Variants in JMJD1C observed in about 807,000 individuals in gnomAD.
The protein encoded by JMJD1C is jumonji domain containing 1C.
A neutral mutation model predicts 245.3 loss-of-function variants in JMJD1C; 31 were observed. That is an observed-to-expected ratio of 0.13 (90% CI 0.09 to 0.17). The LOEUF is 0.17. Ranked by LOEUF, JMJD1C falls within the 10% of genes least tolerant of loss-of-function variation. The pLI is 1.00. For synonymous variants in JMJD1C, 1,057 were observed against 1,017.4 expected (o/e 1.04, Z -0.74); for missense variants, 2,691 against 3,000.2 (o/e 0.90, Z 2.41).
intron 1 of JMJD1C, among the ~76,000 whole-genome samples, chr10:63,464,440 G>A (rs200553697): frequency 6.6e-6 from 1 of 151,804 alleles, no homozygotes; most frequent in Non-Finnish European, 1.5e-5. Context: ...CACACAAAGG[G>A]AAAAAAATTT....
chr10:63,403,052 C>A (rs1457660416), intron 1 of JMJD1C, among the ~76,000 whole-genome samples: 3 of 152,068 alleles, frequency 2.0e-5, no homozygotes, highest in African/African-American at 7.2e-5. Context: ...ATGTTTGAAA[C>A]CAAAAGAAAG....
In JMJD1C at chr10:63,295,959, A is replaced by ATGTGTGTG. The variant is rs370590868; in HGVS notation, c.334-31203_334-31196dup. Among the ~76,000 whole-genome samples, 310 of 89,818 alleles carry ATGTGTGTG rather than the reference A, an allele frequency of 3.5e-3. 4 individuals carry two copies. Among genetic ancestry groups the ATGTGTGTG allele is most frequent in the African/African-American group, 0.012 (281 of 22,754 alleles). 58.9% of individuals were successfully genotyped at this position (89,818 alleles called of 152,430 possible). A position where few individuals can be genotyped will look rare whatever the true frequency, so the allele number is the denominator to read the frequency against. On this transcript the variant is annotated intron_variant, in intron 2 of 25. Transcript: ENST00000399262. Reference sequence around the variant, plus strand: ...TATACATATATATATATACACGTATATGTGTGTGTGTGTGTGTGTGTGTGT... The same window carrying ATGTGTGTG: ...TATACATATATATATATACACGTATATGTGTGTGTGTGTGTGTGTGTGTGTGTGTGTGT...
At chr10:63,289,939 A>C (rs890499293) in intron 2 of JMJD1C, among the ~76,000 whole-genome samples, 1 of 152,080 alleles carries the variant, frequency 6.6e-6, no homozygotes, top group Admixed American at 6.6e-5. Context: ...ATAATAAAAG[A>C]GTATGAAAAT....
At position 63,429,395 on chromosome 10, in the gene JMJD1C, C is replaced by T. The variant is rs137937744; in HGVS notation, c.168+36100G>A. ...AAGATCTCATACTGGAACTTAAATA[C>T]TGCAGCAATATTAGGATGCACAATT... On this transcript the variant is annotated intron_variant, in intron 1 of 25. Transcript: ENST00000399262. 4.7e-3 allele frequency among the ~76,000 whole-genome samples: 720 copies of T among 152,238 alleles called. 3 individuals carry two copies. The highest frequency in any genetic ancestry group is 8.6e-3 in the Non-Finnish European group (588 of 68,026).
At chr10:63,337,653 T>A (rs1053210526) in intron 2 of JMJD1C, among the ~76,000 whole-genome samples, 1 of 139,594 alleles carries the variant, frequency 7.2e-6, no homozygotes. Context: ...TCCGCTATTG[T>A]TCCTCACAGT....
At chr10:63,362,029 T>C (rs1945402190) in intron 2 of JMJD1C, among the ~76,000 whole-genome samples, 1 of 151,732 alleles carries the variant, frequency 6.6e-6, no homozygotes, top group South Asian at 2.1e-4. Flanking sequence ...AGGTCAGGAG[T>C]TCCGAGACCA....
intron 1 of JMJD1C, among the ~76,000 whole-genome samples, chr10:63,456,157 C>T (rs1952398294): frequency 6.6e-6 from 1 of 152,010 alleles, no homozygotes; most frequent in Non-Finnish European, 1.5e-5. Context: ...TGGTTTCCCT[C>T]AAAATGATTC....
chr10:63,281,111 C>T (rs183846301), intron 2 of JMJD1C, among the ~76,000 whole-genome samples: 1,981 of 148,572 alleles, frequency 0.013, 29 homozygotes, highest in African/African-American at 0.034. Context: ...GGATTACAGG[C>T]GTGAGCCACC....
chr10:63,203,963 C>T (rs1846311039), intron 10 of JMJD1C: 1 of 983,190 alleles, frequency 1.0e-6, no homozygotes, highest in Non-Finnish European at 1.2e-6. Flanking sequence ...TTTAGAAGTT[C>T]CCTGACTTAT....
chr10:63,236,587 T>G (rs367969749), intron 3 of JMJD1C, among the ~76,000 whole-genome samples: 2 of 152,168 alleles, frequency 1.3e-5, no homozygotes, highest in South Asian at 4.1e-4. Flanking sequence ...TTACAGCATC[T>G]GCCAACCACA....
chr10:63,273,230 G>A (rs999655296), intron 2 of JMJD1C, among the ~76,000 whole-genome samples: 2 of 152,178 alleles, frequency 1.3e-5, no homozygotes, highest in African/African-American at 4.8e-5. Flanking sequence ...GTCTCACTCT[G>A]TTGTCCAGGC....
intron 1 of JMJD1C, among the ~76,000 whole-genome samples, chr10:63,513,848 G>C (rs1273983034): frequency 3.9e-5 from 6 of 152,182 alleles, no homozygotes; most frequent in Non-Finnish European, 7.3e-5. Context: ...GGGAGGTGGA[G>C]CGTGCAGTGA....
intron 1 of JMJD1C, among the ~76,000 whole-genome samples, chr10:63,429,045 A>G (rs1950600424): frequency 1.3e-5 from 2 of 152,224 alleles, no homozygotes; most frequent in East Asian, 1.9e-4. Flanking sequence ...CAATGGCACG[A>G]TCTCAGCTTA....
intron 1 of JMJD1C, among the ~76,000 whole-genome samples, chr10:63,403,252 A>G (rs1322569897): frequency 1.3e-5 from 2 of 152,186 alleles, no homozygotes; most frequent in Non-Finnish European, 2.9e-5. Flanking sequence ...ACTTTTTAAA[A>G]CTTCAGAAAC....
intron 1 of JMJD1C, among the ~76,000 whole-genome samples, chr10:63,520,774 AGTG>A (rs1434823525): frequency 1.3e-5 from 2 of 152,200 alleles, no homozygotes; most frequent in Non-Finnish European, 2.9e-5. Flanking sequence ...GGCCCAGAAC[AGTG>A]GTATCACTGC....
At chr10:63,455,048 A>G (rs1455755334) in intron 1 of JMJD1C, among the ~76,000 whole-genome samples, 6 of 152,216 alleles carry the variant, frequency 3.9e-5, no homozygotes, top group African/African-American at 1.4e-4. Context: ...GAGGAATAAG[A>G]CTACGTGCAT....
intron 2 of JMJD1C, among the ~76,000 whole-genome samples, chr10:63,295,802 A>G (rs1388164271): frequency 1.3e-5 from 2 of 151,892 alleles, no homozygotes; most frequent in African/African-American, 2.4e-5. Flanking sequence ...GTAGGCTCCA[A>G]TGAGCCCCTT....
chr10:63,233,363 A>G (rs1850247281), intron 3 of JMJD1C, among the ~76,000 whole-genome samples: 1 of 152,194 alleles, frequency 6.6e-6, no homozygotes. Context: ...CTCTTAGAAA[A>G]GCACTGTCTG....
intron 2 of JMJD1C, among the ~76,000 whole-genome samples, chr10:63,273,318 A>G (rs575050185): frequency 6.6e-6 from 1 of 152,326 alleles, no homozygotes; most frequent in East Asian, 1.9e-4. Flanking sequence ...CAGTCTCCTG[A>G]GCAGCTGGGA....
Sources: allele counts gnomAD v4.1 joint callset (sites outside exome capture counted in the v4.1 genomes callset), GRCh38; gene constraint gnomAD v4.1.1; transcripts MANE v1.5; gene names NCBI Gene and HGNC (gene_info 2026-07-23, HGNC 2026-07-21).